LRRC37A2: variants seen among roughly 807,000 people sequenced by gnomAD.
The protein encoded by LRRC37A2 is leucine rich repeat containing 37 member A2, also known as leucine-rich repeat-containing protein 37A2.
A neutral mutation model predicts 68.8 loss-of-function variants in LRRC37A2; 9 were observed. The ratio of observed to expected loss-of-function variants is 0.13; its 90% CI spans 0.08 to 0.23. LRRC37A2 has a LOEUF of 0.23. LRRC37A2 is among the 10% of genes least tolerant of loss of function. LRRC37A2 has a pLI of 1.00. For missense variants in LRRC37A2, 168 were observed against 950.4 expected, an observed-to-expected ratio of 0.18 and a Z score of 10.82; for synonymous variants, 63 against 367.6, an observed-to-expected ratio of 0.17 and a Z score of 9.48.
the LRRC37A2 span, among the ~76,000 whole-genome samples, chr17:46,875,751 C>T: frequency 6.6e-6 from 1 of 152,172 alleles, no homozygotes; most frequent in Non-Finnish European, 1.5e-5. Context: ...GAGCAACTGC[C>T]CACTTCTCCA....
the LRRC37A2 span, chr17:46,932,008 C>G: frequency 2.0e-6 from 3 of 1,517,922 alleles, no homozygotes; most frequent in African/African-American, 4.1e-5. Flanking sequence ...AAGCCTGGCC[C>G]CCTCAGATTC....
chr17:46,939,106 G>A, the LRRC37A2 span: 1 of 1,202,796 alleles, frequency 8.3e-7, no homozygotes, highest in South Asian at 1.6e-5. Flanking sequence ...AGCCCTGTGT[G>A]CAGGACTGTC....
chr17:46,799,905 C>T, the LRRC37A2 span, among the ~76,000 whole-genome samples: 1 of 152,190 alleles, frequency 6.6e-6, no homozygotes, highest in African/African-American at 2.4e-5. Context: ...ATTTGCACCA[C>T]AGGTGGTTCT....
At chr17:46,750,490 T>C in the LRRC37A2 span, among the ~76,000 whole-genome samples, 2 of 152,248 alleles carry the variant, frequency 1.3e-5, no homozygotes, top group Non-Finnish European at 2.9e-5. Context: ...TTGAATGTCA[T>C]GTTGGCACTC....
chr17:47,029,655 T>G, the LRRC37A2 span, among the ~76,000 whole-genome samples: 1 of 152,208 alleles, frequency 6.6e-6, no homozygotes, highest in Non-Finnish European at 1.5e-5. Context: ...TTTTTCTTTT[T>G]CCCTCACACC....
the LRRC37A2 span, among the ~76,000 whole-genome samples, chr17:46,954,388 G>A: frequency 2.6e-5 from 4 of 152,096 alleles, no homozygotes; most frequent in Admixed American, 2.6e-4. Context: ...CTGTTCCATT[G>A]GTCTATATCT....
the LRRC37A2 span, chr17:46,941,844 C>A: frequency 6.4e-6 from 5 of 785,624 alleles, no homozygotes; most frequent in Non-Finnish European, 7.7e-6. Context: ...CTTCGGCCTC[C>A]CAAAGTTCTA....
the LRRC37A2 span, among the ~76,000 whole-genome samples, chr17:46,825,611 G>A: frequency 6.6e-6 from 1 of 152,252 alleles, no homozygotes; most frequent in Non-Finnish European, 1.5e-5. Flanking sequence ...GTGTGCAGCT[G>A]CCCCTTGGCA....
At chr17:46,907,503 G>T in the LRRC37A2 span, among the ~76,000 whole-genome samples, 2 of 151,506 alleles carry the variant, frequency 1.3e-5, no homozygotes, top group Admixed American at 1.3e-4. Context: ...CCAGCTCTTG[G>T]CATAAACAAC....
At chr17:46,551,123 T>C (rs1329669610) in intron 11 of LRRC37A2, among the ~76,000 whole-genome samples, 3 of 149,704 alleles carry the variant, frequency 2.0e-5, no homozygotes, top group Non-Finnish European at 4.4e-5. Flanking sequence ...GCCTAGACCC[T>C]CTGTGAGATG....
At chr17:46,947,846 G>A in the LRRC37A2 span, among the ~76,000 whole-genome samples, 8 of 152,150 alleles carry the variant, frequency 5.3e-5, no homozygotes, top group East Asian at 1.9e-4. Context: ...TCGGCTCACC[G>A]TAACCTCCGC....
the LRRC37A2 span, among the ~76,000 whole-genome samples, chr17:46,900,492 C>T: frequency 6.6e-6 from 1 of 152,112 alleles, no homozygotes; most frequent in South Asian, 2.1e-4. Context: ...TCAGGTGATG[C>T]ACCCGCCTTG....
the LRRC37A2 span, chr17:46,941,405 A>C: frequency 2.0e-6 from 2 of 982,758 alleles, no homozygotes; most frequent in African/African-American, 3.5e-5. Context: ...TTTTATAACT[A>C]ATGGCCCCCT....
At chr17:46,980,460 C>T in the LRRC37A2 span, among the ~76,000 whole-genome samples, 1 of 150,862 alleles carries the variant, frequency 6.6e-6, no homozygotes. Context: ...CCATAAGGAG[C>T]CTTGTAACAA....
chr17:46,838,322 TAA>T, the LRRC37A2 span, among the ~76,000 whole-genome samples: 687 of 138,138 alleles, frequency 5.0e-3, 3 homozygotes, highest in African/African-American at 0.015. Flanking sequence ...GGGCCTGCCT[TAA>T]AAAAAAAAAA....
At chr17:46,946,401 C>T in the LRRC37A2 span, among the ~76,000 whole-genome samples, 10 of 143,288 alleles carry the variant, frequency 7.0e-5, no homozygotes, top group Non-Finnish European at 1.3e-4. Flanking sequence ...GCGGAGGTTG[C>T]AGTGAGCCGA....
the LRRC37A2 span, among the ~76,000 whole-genome samples, chr17:47,013,351 T>C: frequency 6.6e-6 from 1 of 152,248 alleles, no homozygotes; most frequent in Admixed American, 6.5e-5. Context: ...CTATGATACA[T>C]GAATTATATC....
chr17:46,906,174 T>TC, the LRRC37A2 span, among the ~76,000 whole-genome samples: 8 of 152,292 alleles, frequency 5.3e-5, no homozygotes, highest in East Asian at 1.5e-3. Context: ...GAGCTCTGTG[T>TC]CCTGGCTTCT....
At chr17:46,956,260 A>ATTC in the LRRC37A2 span, among the ~76,000 whole-genome samples, 9 of 139,666 alleles carry the variant, frequency 6.4e-5, no homozygotes, top group African/African-American at 2.4e-4. Flanking sequence ...TAAGGCCAGG[A>ATTC]TTCTGCCTTG....
Sources: gnomAD v4.1 joint callset for allele counts (sites outside exome capture counted in the v4.1 genomes callset) on GRCh38, gnomAD v4.1.1 for gene constraint, MANE v1.5 for transcripts, NCBI Gene and HGNC (gene_info 2026-07-23, HGNC 2026-07-21) for gene names.